Variants in PNPLA7 observed in about 807,000 individuals in gnomAD.
The protein encoded by PNPLA7 is patatin like domain 7, lysophospholipase.
In PNPLA7, 153 loss-of-function variants were observed where a neutral mutation model predicts 161.7. That is an observed-to-expected ratio of 0.95 (90% confidence interval 0.83 to 1.08). The LOEUF is 1.08. Among genes scored for constraint, PNPLA7 ranks in the 50% least tolerant of loss-of-function variants. The probability of loss-of-function intolerance (pLI) is 0.00; values close to 1 mark genes in which losing one functional copy is unlikely to be tolerated. For synonymous variants in PNPLA7, 809 were observed against 782.1 expected, an observed-to-expected ratio of 1.03 and a Z score of -0.57; for missense variants, 1,739 against 1,856.6, an observed-to-expected ratio of 0.94 and a Z score of 1.16.
In PNPLA7 at chr9:137,522,756, A is replaced by G; in HGVS notation, c.849T>C (p.Tyr283=). The change falls in exon 9 of 35, where the codon TAT becomes TAC. Residue 283 remains tyrosine (Y), a synonymous_variant. Coordinates refer to ENST00000406427, the MANE Select transcript of PNPLA7 (RefSeq NM_001098537.3). ...AAAFHGVFEK[Y]PETLVRVVQI... is the part of the protein sequence containing the mutation. ...GCACCACCCTCACCAGAGTTTCCGGATATTTCTCAAAAACTCCATGAAAAG... is the reference window on the plus strand; with the variant it reads ...GCACCACCCTCACCAGAGTTTCCGGGTATTTCTCAAAAACTCCATGAAAAG... The G allele has an allele frequency of 1.2e-6, 2 of 1,613,666 alleles. No individual in the cohort carries two copies. Among genetic ancestry groups the G allele is most frequent in the Middle Eastern group, 1.6e-4 (1 of 6,062 alleles).
intron 8 of PNPLA7, among the ~76,000 whole-genome samples, chr9:137,536,236 C>T (rs1835882719): frequency 6.6e-6 from 1 of 152,010 alleles, no homozygotes; most frequent in African/African-American, 2.4e-5. Flanking sequence ...TCTAAGGTTT[C>T]CAAACATACA....
intron 33 of PNPLA7, 70 bp from the exon 34 acceptor site, chr9:137,460,807 A>G: frequency 6.9e-7 from 1 of 1,441,446 alleles, no homozygotes; most frequent in Non-Finnish European, 9.5e-7. Context: ...AGCCACACTC[A>G]GAGGCAGAAC....
rs182041550 is a variant in PNPLA7, at chr9:137,484,495, C to T, written c.2347+92G>A. On this transcript the variant is annotated intron_variant, in intron 21 of 34. Transcript: ENST00000406427. ...CAACTGAGCCCTGCCCACCCACCGC[C>T]GCGTCCCCTCGAAGACAGAGGGCAG... 180 of 1,387,420 alleles carry T rather than the reference C, an allele frequency of 1.3e-4. 2 individuals are homozygous for T. The East Asian group carries it at 2.0e-3, about 16-fold the overall frequency. The allele number at this position is 1,387,420 out of a possible 1,614,324, so 85.9% of individuals were successfully genotyped here. A position where few individuals can be genotyped will look rare whatever the true frequency, so the allele number is the denominator to read the frequency against.
Position 137,460,742 on chromosome 9 carries a change from C to G in PNPLA7, c.3842-5G>C. 6.2e-7 allele frequency: 1 copy of G among 1,611,502 alleles called. No homozygotes were observed. On this transcript the variant is annotated splice_region_variant and splice_polypyrimidine_tract_variant and intron_variant, in intron 33 of 34. Coordinates refer to ENST00000406427, the MANE Select transcript of PNPLA7 (RefSeq NM_001098537.3). ...CCGTCTGGTAGTCAGATTCGTCTGG[C>G]ACCGAGGGTAGGGCTGCGTCAGTCC... is the stretch of plus-strand genomic sequence containing the variant.
chr9:137,462,511 C>A (rs113253090), intron 30 of PNPLA7, 174 bp downstream of exon 30: 1 of 1,384,574 alleles, frequency 7.2e-7, no homozygotes, highest in South Asian at 1.5e-5. Flanking sequence ...TCAGGCCCGT[C>A]CGGCCTCGTG....
intron 23 of PNPLA7, among the ~76,000 whole-genome samples, 177 bp downstream of exon 23, chr9:137,480,135 C>A (rs1355442811): frequency 6.6e-6 from 1 of 152,258 alleles, no homozygotes; most frequent in African/African-American, 2.4e-5. Context: ...CGTGCTAGAA[C>A]CCCTGGAGGT....
chr9:137,503,993 CAAG>C (rs1265037201), intron 14 of PNPLA7, among the ~76,000 whole-genome samples: 16 of 9,490 alleles, frequency 1.7e-3, no homozygotes, highest in South Asian at 5.3e-3. Context: ...AAGAAAGAAG[CAAG>C]AAGAAGAAAG....
intron 14 of PNPLA7, among the ~76,000 whole-genome samples, chr9:137,502,749 G>A (rs1410888919): frequency 6.9e-6 from 1 of 144,486 alleles, no homozygotes; most frequent in Non-Finnish European, 1.5e-5. Context: ...AGAGGGATGT[G>A]GGAGCCGGCC....
chr9:137,524,610 C>A lies in PNPLA7; in HGVS notation c.748-1753G>T, dbSNP rs978023138. ...TGGGACTTGTAGGTTGTACGGAACA[C>A]GTATCCTCACATTTATAAGAAACTA... On this transcript the variant is annotated intron_variant, in intron 8 of 34. Transcript: ENST00000406427. This position sits in a 1 kb window ranked among gnomAD's most constrained non-coding sequence, Gnocchi z 4.4. 6.6e-6 allele frequency among the ~76,000 whole-genome samples: 1 copy of A among 152,240 alleles called. No individual in the cohort carries two copies. Among genetic ancestry groups the A allele is most frequent in the Admixed American group, 6.5e-5 (1 of 15,292 alleles).
At position 137,498,224 on chromosome 9, in the gene PNPLA7, G is replaced by T. The variant is rs773798665; in HGVS notation, c.1779C>A (p.Thr593=). Residue 593 remains threonine, a synonymous_variant, in exon 17 of 35, where the codon ACC becomes ACA. Transcript: ENST00000406427. ...CAGTGTGCGCCACACCCAGGACGAC[G>T]GTCGGCTGCTTCCGCATGATTCTGC... The part of the protein sequence containing the change: ...HFYEIMRKQP[T]VVLGVAHTVV... 2 of 1,611,850 alleles carry T rather than the reference G, an allele frequency of 1.2e-6. No individual in the cohort carries two copies. The highest frequency in any genetic ancestry group is 1.1e-5 in the South Asian group (1 of 91,088).
chr9:137,503,142 G>T (rs1313807372), intron 14 of PNPLA7, among the ~76,000 whole-genome samples: 2 of 152,042 alleles, frequency 1.3e-5, no homozygotes, highest in Non-Finnish European at 2.9e-5. Context: ...AGAATTTTTG[G>T]AGGCCGAGGC....
At position 137,461,934 on chromosome 9, in the gene PNPLA7, AC is replaced by A; in HGVS notation, c.3752del (p.Ser1251MetfsTer97). 1 of 1,568,526 alleles carries A rather than the reference AC, an allele frequency of 6.4e-7. No individual in the cohort carries two copies. Among genetic ancestry groups the A allele is most frequent in the Non-Finnish European group, 8.6e-7 (1 of 1,162,508 alleles). On this transcript the variant is annotated frameshift_variant, in exon 32 of 35. Transcript: ENST00000406427. LOFTEE classifies it high-confidence loss of function. ...DQQGPSKKPA[S>X]AVLTCPNASF... ...TGGTCCGGACGCCCGTACTCACCGCACTCGCGGGCTTCTTGCTCGGCCCCTG... is the reference window on the plus strand; with the variant it reads ...TGGTCCGGACGCCCGTACTCACCGCATCGCGGGCTTCTTGCTCGGCCCCTG...
In PNPLA7 at chr9:137,515,248, T is replaced by C. The variant is rs952851191; in HGVS notation, c.1225+131A>G. The C allele has an allele frequency of 4.0e-5, 49 of 1,217,682 alleles. No individual in the cohort carries two copies. In the Admixed American group the frequency reaches 1.3e-3, roughly 32 times the overall value. The allele number at this position is 1,217,682 out of a possible 1,614,324, so 75.4% of individuals were successfully genotyped here. Reference sequence around the variant, plus strand: ...GCCAGAGGACAGGCACAGGCCCCCCTGGGCACGTGGGGCTCTAGTGGAGGG... The same window carrying C: ...GCCAGAGGACAGGCACAGGCCCCCCCGGGCACGTGGGGCTCTAGTGGAGGG... On this transcript the variant is annotated intron_variant, in intron 12 of 34. Coordinates refer to ENST00000406427, the MANE Select transcript of PNPLA7 (RefSeq NM_001098537.3).
intron 20 of PNPLA7, among the ~76,000 whole-genome samples, chr9:137,485,223 C>T (rs1832415277): frequency 6.6e-6 from 1 of 152,272 alleles, no homozygotes; most frequent in African/African-American, 2.4e-5. Context: ...CCTCCTGACC[C>T]ACCAAAGACA....
rs1474176250 is a variant in PNPLA7, at chr9:137,550,260, A to C, written c.-63T>G. 1.3e-6 allele frequency: 2 copies of C among 1,577,044 alleles called. No individual in the cohort carries two copies. Among genetic ancestry groups the C allele is most frequent in the Non-Finnish European group, 8.7e-7 (1 of 1,147,528 alleles). Reference sequence around the variant, plus strand: ...GACAGCCTGAAGCAAACAAGGGCACACCTCTACCCGCTCATGCTCACACCT... The same window carrying C: ...GACAGCCTGAAGCAAACAAGGGCACCCCTCTACCCGCTCATGCTCACACCT... On this transcript the variant is annotated 5_prime_UTR_variant, in exon 1 of 35. Coordinates refer to ENST00000406427, the MANE Select transcript of PNPLA7 (RefSeq NM_001098537.3).
rs372806249 is a variant in PNPLA7, at chr9:137,467,509, A to T, written c.2883-36T>A. 149 of 1,607,782 alleles carry T rather than the reference A, an allele frequency of 9.3e-5. No individual in the cohort carries two copies. Among genetic ancestry groups the T allele is most frequent in the Non-Finnish European group, 1.2e-4 (143 of 1,177,572 alleles). ...CAGGGACACAGAGCAAGGAGTGAGT[A>T]CCAGGCCCAGGCTGCGCCCTGCAGA... On this transcript the variant is annotated intron_variant, in intron 25 of 34. Coordinates refer to ENST00000406427, the MANE Select transcript of PNPLA7 (RefSeq NM_001098537.3). This position sits in a 1 kb window ranked among gnomAD's most constrained non-coding sequence, Gnocchi z 5.1.
intron 4 of PNPLA7, among the ~76,000 whole-genome samples, chr9:137,545,129 T>C (rs1284222737): frequency 1.3e-5 from 2 of 152,028 alleles, no homozygotes; most frequent in Non-Finnish European, 2.9e-5. Flanking sequence ...GACAGCCCAA[T>C]TGGCCAAAGA....
chr9:137,529,469 C>T (rs757059863), intron 8 of PNPLA7, among the ~76,000 whole-genome samples: 9 of 152,048 alleles, frequency 5.9e-5, no homozygotes, highest in African/African-American at 1.2e-4. Context: ...TATAATTTTC[C>T]GGAGAATGTT....
Position 137,546,946 on chromosome 9 carries a change from G to A in PNPLA7, c.194-37C>T, listed in dbSNP as rs758808043. The A allele has an allele frequency of 6.5e-5, 103 of 1,592,258 alleles. 1 individual carries two copies. The highest frequency in any genetic ancestry group is 1.1e-4 in the African/African-American group (8 of 74,462). ...TAAAGGGATGGCCTGAGGTAGAGCC[G>A]TGGCACAGGCCTGGTCCTGGACATG... is the stretch of plus-strand genomic sequence containing the variant. On this transcript the variant is annotated intron_variant, in intron 3 of 34. Transcript: ENST00000406427.
Sources: allele counts gnomAD v4.1 joint callset (sites outside exome capture counted in the v4.1 genomes callset), GRCh38; gene constraint gnomAD v4.1.1; non-coding constraint Gnocchi (gnomAD v3.1); transcripts MANE v1.5; gene names NCBI Gene and HGNC (gene_info 2026-07-23, HGNC 2026-07-21).